The following SCARA3 variants were observed in gnomAD, a reference collection of about 807,000 sequenced individuals.
SCARA3 encodes the protein cellular stress response gene protein.
Under a neutral mutation model 47.0 loss-of-function variants are expected in SCARA3, and 39 were observed. The ratio of observed to expected loss-of-function variants is 0.83; its 90% CI spans 0.64 to 1.08. The LOEUF (loss-of-function observed/expected upper bound fraction) is 1.08, where lower values mean the gene tolerates loss of function less well. Ranked by LOEUF, SCARA3 falls within the 50% of genes least tolerant of loss-of-function variation. The pLI is 0.00. For synonymous variants in SCARA3, 356 were observed against 334.1 expected (o/e 1.07, Z -0.71); for missense variants, 724 against 792.3 (o/e 0.91, Z 1.04).
At chr8:27,704,592 C>T in the SCARA3 span, among the ~76,000 whole-genome samples, 2 of 152,188 alleles carry the variant, frequency 1.3e-5, no homozygotes, top group African/African-American at 4.8e-5. Flanking sequence ...CCTCACCTTC[C>T]TTCAGGTCCG....
In SCARA3 at chr8:27,634,090, G is replaced by A. The variant is rs1801193805; in HGVS notation, c.-111G>A. On this transcript the variant is annotated 5_prime_UTR_variant, in exon 1 of 6. Coordinates refer to ENST00000301904, the MANE Select transcript of SCARA3 (RefSeq NM_016240.3). Reference sequence around the variant, plus strand: ...CCCGGCCGGAGCCCCACGGCCGCGGGCGGCGCCTAGGACGGCGATCCGCGC... The same window carrying A: ...CCCGGCCGGAGCCCCACGGCCGCGGACGGCGCCTAGGACGGCGATCCGCGC... 1 of 1,036,178 alleles carries A rather than the reference G, an allele frequency of 9.7e-7. No individual in the cohort carries two copies. Among genetic ancestry groups the A allele is most frequent in the Admixed American group, 4.1e-5 (1 of 24,482 alleles). The allele number at this position is 1,036,178 out of a possible 1,614,324, so 64.2% of individuals were successfully genotyped here.
At chr8:27,652,407 A>G (rs952077716) in intron 3 of SCARA3, among the ~76,000 whole-genome samples, 7 of 152,226 alleles carry the variant, frequency 4.6e-5, no homozygotes, top group Non-Finnish European at 5.9e-5. Flanking sequence ...CTTAGCTTCA[A>G]ACTTTGAAAA....
At chr8:27,708,494 G>A in the SCARA3 span, among the ~76,000 whole-genome samples, 17 of 151,882 alleles carry the variant, frequency 1.1e-4, no homozygotes, top group African/African-American at 2.9e-4. Context: ...ACACAATCTC[G>A]TAACTCTATC....
At chr8:27,654,546 C>G (rs1451654609) in intron 3 of SCARA3, among the ~76,000 whole-genome samples, 2 of 152,006 alleles carry the variant, frequency 1.3e-5, no homozygotes, top group Non-Finnish European at 2.9e-5. Context: ...ATCACTTGAG[C>G]TCAGGAGTTT....
the SCARA3 span, among the ~76,000 whole-genome samples, chr8:27,707,367 T>C: frequency 6.6e-6 from 1 of 151,988 alleles, no homozygotes; most frequent in South Asian, 2.1e-4. Context: ...TTCTTAAGTA[T>C]GAACAGACAA....
At chr8:27,644,266 A>C (rs975552964) in intron 1 of SCARA3, among the ~76,000 whole-genome samples, 2 of 151,924 alleles carry the variant, frequency 1.3e-5, no homozygotes, top group Admixed American at 1.3e-4. Context: ...TTTTCTAAGC[A>C]CCTTGCCTGC....
At chr8:27,649,101 T>A (rs1317181041) in intron 1 of SCARA3, among the ~76,000 whole-genome samples, 2 of 152,178 alleles carry the variant, frequency 1.3e-5, no homozygotes, top group Non-Finnish European at 2.9e-5. Flanking sequence ...AGGGACCATA[T>A]TGTCCCAGAG....
chr8:27,674,246 G>A (rs936309429), downstream of SCARA3, among the ~76,000 whole-genome samples: 5 of 152,178 alleles, frequency 3.3e-5, no homozygotes, highest in African/African-American at 1.2e-4. Context: ...TGAAGCAAAT[G>A]CTGAGAATCC....
chr8:27,706,149 GTTTGTT>G, the SCARA3 span, among the ~76,000 whole-genome samples: 1 of 152,032 alleles, frequency 6.6e-6, no homozygotes, highest in East Asian at 1.9e-4. Flanking sequence ...GAGTTTATTT[GTTTGTT>G]TTTGTTTTTG....
intron 1 of SCARA3, among the ~76,000 whole-genome samples, chr8:27,646,289 G>A (rs993025131): frequency 5.9e-5 from 9 of 152,198 alleles, no homozygotes; most frequent in African/African-American, 9.7e-5. Context: ...CACTCGGTGC[G>A]TTACTGGAAA....
In SCARA3 at chr8:27,649,734, T is replaced by C; in HGVS notation, c.40T>C (p.Cys14Arg). ...RSAGGDGDAL[C>R]VTEEDLAGDD... ...GGCCGGCGGCGATGGAGATGCCTTG[T>C]GCGTTACAGAAGAGGACCTGGCGGG... The change falls in exon 2 of 6, where the codon TGC becomes CGC. Residue 14 changes from cysteine (C) to arginine (R), a missense_variant. Cys to Arg is a radical substitution (Grantham distance 180, BLOSUM62 -3). Coordinates refer to ENST00000301904, the MANE Select transcript of SCARA3 (RefSeq NM_016240.3). 6.2e-7 allele frequency: 1 copy of C among 1,614,126 alleles called. No homozygotes were observed. The highest frequency in any genetic ancestry group is 8.5e-7 in the Non-Finnish European group (1 of 1,180,010).
At chr8:27,646,124 G>A (rs1026852350) in intron 1 of SCARA3, among the ~76,000 whole-genome samples, 2 of 152,194 alleles carry the variant, frequency 1.3e-5, no homozygotes, top group Non-Finnish European at 2.9e-5. Flanking sequence ...AAATCCAAGG[G>A]ATTAGAGAGA....
At chr8:27,706,861 G>A in the SCARA3 span, among the ~76,000 whole-genome samples, 1 of 152,114 alleles carries the variant, frequency 6.6e-6, no homozygotes, top group Admixed American at 6.5e-5. Flanking sequence ...CCCCCACAGA[G>A]CTCTGAAGTA....
At chr8:27,636,862 AG>A (rs1209862537) in intron 1 of SCARA3, among the ~76,000 whole-genome samples, 1 of 152,226 alleles carries the variant, frequency 6.6e-6, no homozygotes, top group Non-Finnish European at 1.5e-5. Flanking sequence ...CAGGGCAGAC[AG>A]CAAATAATTG....
At chr8:27,677,738 G>A (rs1311105063), downstream of SCARA3, among the ~76,000 whole-genome samples, 2 of 152,108 alleles carry the variant, frequency 1.3e-5, no homozygotes, top group Admixed American at 6.6e-5. Flanking sequence ...ACCAGCTGTG[G>A]GTGAAGATCA....
At chr8:27,674,725 C>CA (rs1802237027), downstream of SCARA3, among the ~76,000 whole-genome samples, 1 of 106,290 alleles carries the variant, frequency 9.4e-6, no homozygotes, top group Admixed American at 1.1e-4. Flanking sequence ...TTTTCTCTCT[C>CA]TTTTTTTTTT....
At chr8:27,728,749 C>T in the SCARA3 span, among the ~76,000 whole-genome samples, 4 of 152,078 alleles carry the variant, frequency 2.6e-5, no homozygotes, top group African/African-American at 9.7e-5. Flanking sequence ...CTTGGCTGGG[C>T]GGGATGGCTC....
At chr8:27,670,639 A>C (rs1037235099) in intron 5 of SCARA3, among the ~76,000 whole-genome samples, 14 of 152,058 alleles carry the variant, frequency 9.2e-5, no homozygotes, top group African/African-American at 3.4e-4. Context: ...AATCCTGGAC[A>C]ACCTTGGCCC....
In SCARA3 at chr8:27,659,470, A is replaced by G. The variant is rs1470136489; in HGVS notation, c.1300A>G (p.Ile434Val). 1 of 1,613,834 alleles carries G rather than the reference A, an allele frequency of 6.2e-7. No individual in the cohort carries two copies. The highest frequency in any genetic ancestry group is 1.3e-5 in the African/African-American group (1 of 74,890). The change falls in exon 5 of 6, where the codon ATC (isoleucine) becomes GTC (valine). Residue 434 changes from isoleucine to valine, a missense_variant. Coordinates refer to ENST00000301904, the MANE Select transcript of SCARA3 (RefSeq NM_016240.3). ...LDLNVRNLSM[I>V]VEEMKAVDTQ... Reference sequence around the variant, plus strand: ...CCTCAACGTCCGGAACCTCTCCATGATCGTGGAGGAGATGAAGGCAGTGGA... The same window carrying G: ...CCTCAACGTCCGGAACCTCTCCATGGTCGTGGAGGAGATGAAGGCAGTGGA...
Sources: gnomAD v4.1 joint callset for allele counts (sites outside exome capture counted in the v4.1 genomes callset) on GRCh38, gnomAD v4.1.1 for gene constraint, MANE v1.5 for transcripts, NCBI Gene and HGNC (gene_info 2026-07-23, HGNC 2026-07-21) for gene names.